The following SLC45A2 variants were observed in gnomAD, a reference collection of about 807,000 sequenced individuals.
SLC45A2 encodes the protein solute carrier family 45 member 2, also known as membrane-associated transporter protein.
SLC45A2 carries 36 observed loss-of-function variants against 45.5 expected under a neutral mutation model. The ratio of observed to expected loss-of-function variants is 0.79; its 90% CI spans 0.61 to 1.04. The LOEUF (loss-of-function observed/expected upper bound fraction) is 1.04. Ranked by LOEUF, SLC45A2 falls within the 50% of genes least tolerant of loss-of-function variation. SLC45A2 has a pLI of 0.00. For synonymous variants in SLC45A2, 306 were observed against 269.3 expected, an observed-to-expected ratio of 1.14 and a Z score of -1.33; for missense variants, 719 against 671.0, an observed-to-expected ratio of 1.07 and a Z score of -0.79.
At chr5:33,968,574 G>T (rs1194201836) in intron 2 of SLC45A2, among the ~76,000 whole-genome samples, 2 of 152,210 alleles carry the variant, frequency 1.3e-5, no homozygotes, top group African/African-American at 4.8e-5. Flanking sequence ...AACTAATGAT[G>T]CAACTTGAAC....
chr5:33,962,733 G>T (rs955468558), intron 3 of SLC45A2, among the ~76,000 whole-genome samples: 1 of 152,220 alleles, frequency 6.6e-6, no homozygotes, highest in Non-Finnish European at 1.5e-5. Context: ...GGTACAGCCA[G>T]GATTTAAGCA....
chr5:33,984,517 C>A lies in SLC45A2; in HGVS notation c.67G>T (p.Asp23Tyr). ...YKSLADDGPFDSVEPPKRPTS... is the reference protein window; with the variant it reads ...YKSLADDGPFYSVEPPKRPTS... ...GGTCTTTTAGGCGGCTCCACAGAGTCAAAGGGGCCATCATCAGCTAGGGAT... is the reference window on the plus strand; with the variant it reads ...GGTCTTTTAGGCGGCTCCACAGAGTAAAAGGGGCCATCATCAGCTAGGGAT... Residue 23 changes from aspartate to tyrosine, a missense_variant, in exon 1 of 7, where the codon GAC (aspartate) becomes TAC (tyrosine). By Grantham distance (160) the Asp-to-Tyr change is radical. Coordinates refer to ENST00000296589, the MANE Select transcript of SLC45A2 (RefSeq NM_016180.5). 6.2e-7 allele frequency: 1 copy of A among 1,613,052 alleles called. No individual in the cohort carries two copies. The highest frequency in any genetic ancestry group is 1.6e-4 in the Middle Eastern group (1 of 6,062).
intron 2 of SLC45A2, among the ~76,000 whole-genome samples, chr5:33,971,593 C>T (rs1752778267): frequency 6.6e-6 from 1 of 152,126 alleles, no homozygotes; most frequent in Non-Finnish European, 1.5e-5. Flanking sequence ...TGTGCACCAC[C>T]ATGCCCAACT....
chr5:33,967,827 CACAT>C, intron 2 of SLC45A2, among the ~76,000 whole-genome samples: 1 of 142,284 alleles, frequency 7.0e-6, no homozygotes, highest in African/African-American at 2.8e-5. Flanking sequence ...CACACACACA[CACAT>C]TTCCTGCAAG....
intron 1 of SLC45A2, among the ~76,000 whole-genome samples, chr5:33,983,718 G>C (rs746737631): frequency 2.0e-5 from 3 of 152,172 alleles, no homozygotes; most frequent in Admixed American, 2.0e-4. Context: ...AGGTCCTCTT[G>C]AGCTGATGGG....
Position 33,984,433 on chromosome 5 carries a change from C to T in SLC45A2, c.151G>A (p.Val51Met). The T allele has an allele frequency of 6.2e-7, 1 of 1,613,748 alleles. No individual in the cohort carries two copies. Among genetic ancestry groups the T allele is most frequent in the Non-Finnish European group, 8.5e-7 (1 of 1,179,880 alleles). ...ACTGGGGTCACATACGCTGCCTCCA[C>T]CGCGTAGCAGAACTCTCTTCCGAAC... ...AMFGREFCYA[V>M]EAAYVTPVLL... The change falls in exon 1 of 7, where the codon GTG becomes ATG. Residue 51 changes from valine (V) to methionine (M), a missense_variant. Coordinates refer to ENST00000296589, the MANE Select transcript of SLC45A2 (RefSeq NM_016180.5).
rs137998496 is a variant in SLC45A2, at chr5:33,980,873, A to T, written c.562+1363T>A. ...AAGAAAGACCTCACTGATGAGAGATATCTGATGAGAAATCTGAGTGGAATA... is the reference window on the plus strand; with the variant it reads ...AAGAAAGACCTCACTGATGAGAGATTTCTGATGAGAAATCTGAGTGGAATA... On this transcript the variant is annotated intron_variant, in intron 2 of 6. Transcript: ENST00000296589. 1.6e-3 allele frequency among the ~76,000 whole-genome samples: 240 copies of T among 152,350 alleles called. 1 individual carries two copies. Among genetic ancestry groups the T allele is most frequent in the African/African-American group, 5.6e-3 (234 of 41,574 alleles).
At chr5:33,954,205 A>AT (rs1256555600) in intron 4 of SLC45A2, among the ~76,000 whole-genome samples, 156 bp downstream of exon 4, 1 of 152,122 alleles carries the variant, frequency 6.6e-6, no homozygotes, top group Admixed American at 6.5e-5. Context: ...GTATAGTAGC[A>AT]TTTTTCTACA....
intron 6 of SLC45A2, 187 bp downstream of exon 6, chr5:33,946,976 A>C (rs1751948360): frequency 6.5e-7 from 1 of 1,536,200 alleles, no homozygotes; most frequent in Non-Finnish European, 8.7e-7. Context: ...AGGACAGGAC[A>C]GCTGGGCTGG....
intron 2 of SLC45A2, among the ~76,000 whole-genome samples, chr5:33,970,434 T>G (rs1289680744): frequency 6.6e-6 from 1 of 152,262 alleles, no homozygotes; most frequent in African/African-American, 2.4e-5. Flanking sequence ...TGTCCACCAT[T>G]TCCTTACTCT....
chr5:33,975,792 A>G (rs940545694), intron 2 of SLC45A2, among the ~76,000 whole-genome samples: 2 of 152,164 alleles, frequency 1.3e-5, no homozygotes, highest in Non-Finnish European at 2.9e-5. Context: ...AATTCTGCCT[A>G]ATGAGAAACA....
chr5:33,970,200 C>T (rs535463121), intron 2 of SLC45A2, among the ~76,000 whole-genome samples: 13 of 152,308 alleles, frequency 8.5e-5, no homozygotes, highest in African/African-American at 3.1e-4. Flanking sequence ...AAGCCAGCTC[C>T]GGCCAGCTTT....
At chr5:33,958,641 T>A (rs954925333) in intron 3 of SLC45A2, among the ~76,000 whole-genome samples, 1 of 152,182 alleles carries the variant, frequency 6.6e-6, no homozygotes, top group Non-Finnish European at 1.5e-5. Context: ...CTTGGCCTCA[T>A]GAGTTGCTGG....
chr5:33,981,220 C>T (rs1425100378), intron 2 of SLC45A2, among the ~76,000 whole-genome samples: 1 of 152,196 alleles, frequency 6.6e-6, no homozygotes, highest in African/African-American at 2.4e-5. Context: ...GAGGATCTAC[C>T]AACTGTGCTC....
At chr5:33,952,451 T>A (rs1396915170) in intron 4 of SLC45A2, among the ~76,000 whole-genome samples, 1 of 151,680 alleles carries the variant, frequency 6.6e-6, no homozygotes, top group Non-Finnish European at 1.5e-5. Context: ...GAGTGATGCA[T>A]TTACGTGTCC....
intron 2 of SLC45A2, among the ~76,000 whole-genome samples, chr5:33,966,367 AT>A (rs1176395072): frequency 6.7e-6 from 1 of 148,900 alleles, no homozygotes; most frequent in Non-Finnish European, 1.5e-5. Flanking sequence ...ACAGTTTCCC[AT>A]TTTTTTCCCC....
At chr5:33,969,562 G>A (rs1389880875) in intron 2 of SLC45A2, among the ~76,000 whole-genome samples, 6 of 152,202 alleles carry the variant, frequency 3.9e-5, no homozygotes, top group Admixed American at 3.9e-4. Flanking sequence ...AGAGAAATAA[G>A]AATGGTTTGT....
At chr5:33,962,499 G>A (rs564672029) in intron 3 of SLC45A2, among the ~76,000 whole-genome samples, 1 of 152,262 alleles carries the variant, frequency 6.6e-6, no homozygotes, top group Non-Finnish European at 1.5e-5. Context: ...GAAAGTTGTT[G>A]GAGTCCAGAT....
At chr5:33,948,861 A>G (rs931368963) in intron 5 of SLC45A2, among the ~76,000 whole-genome samples, 1 of 152,224 alleles carries the variant, frequency 6.6e-6, no homozygotes, top group South Asian at 2.1e-4. Context: ...ATTTGGAAAC[A>G]TAAGTAACTT....
Sources: allele counts gnomAD v4.1 joint callset (sites outside exome capture counted in the v4.1 genomes callset), GRCh38; gene constraint gnomAD v4.1.1; transcripts MANE v1.5; gene names NCBI Gene and HGNC (gene_info 2026-07-23, HGNC 2026-07-21).